Variants in DHRSX observed in about 807,000 individuals in gnomAD.
DHRSX encodes the protein polyprenol dehydrogenase.
Under a neutral mutation model 34.0 loss-of-function variants are expected in DHRSX, and 31 were observed. The observed-to-expected ratio is 0.91, with a 90% CI of 0.69 to 1.23. The LOEUF (loss-of-function observed/expected upper bound fraction) is 1.23. DHRSX is among the 50% of genes most tolerant of loss of function. DHRSX has a pLI of 0.00. For missense variants in DHRSX, 414 were observed against 428.1 expected (o/e 0.97, Z 0.29); for synonymous variants, 201 against 183.8 (o/e 1.09, Z -0.76).
intron 1 of DHRSX, among the ~76,000 whole-genome samples, chrX:2,484,644 G>A (rs1264209098): frequency 1.3e-5 from 2 of 152,068 alleles, no homozygotes; most frequent in African/African-American, 4.8e-5. Flanking sequence ...CACCAGGCAG[G>A]GGCATGGCGA....
intron 5 of DHRSX, among the ~76,000 whole-genome samples, chrX:2,266,217 C>G (rs1476119717): frequency 7.1e-6 from 1 of 141,470 alleles, no homozygotes; most frequent in African/African-American, 2.9e-5. Context: ...ACGCAGGGAG[C>G]ACTGTCCCCA....
intron 1 of DHRSX, among the ~76,000 whole-genome samples, chrX:2,460,802 C>G (rs1439828173): frequency 5.3e-5 from 8 of 152,080 alleles, no homozygotes; most frequent in Admixed American, 5.2e-4. Context: ...AGGCTGGTCT[C>G]AAACCCCTGA....
chrX:2,247,208 CAA>C (rs2016318573), intron 5 of DHRSX, among the ~76,000 whole-genome samples: 1 of 152,120 alleles, frequency 6.6e-6, no homozygotes, highest in African/African-American at 2.4e-5. Context: ...CTTGGCCTTC[CAA>C]AGTGCTGGGA....
chrX:2,293,562 T>C (rs1399260101), intron 3 of DHRSX, among the ~76,000 whole-genome samples: 2 of 151,832 alleles, frequency 1.3e-5, no homozygotes, highest in Non-Finnish European at 2.9e-5. Context: ...GGATGGGGAA[T>C]GGTGTGAGGT....
At chrX:2,359,190 G>C (rs1302202667) in intron 3 of DHRSX, among the ~76,000 whole-genome samples, 1 of 152,140 alleles carries the variant, frequency 6.6e-6, no homozygotes, top group Non-Finnish European at 1.5e-5. Context: ...AAGACAGTGT[G>C]GCCATTCCTC....
intron 5 of DHRSX, among the ~76,000 whole-genome samples, chrX:2,246,283 T>C (rs1212846508): frequency 1.3e-5 from 2 of 152,118 alleles, no homozygotes; most frequent in Non-Finnish European, 2.9e-5. Context: ...AAAAAGCTTC[T>C]GAAAATCCAA....
intron 3 of DHRSX, among the ~76,000 whole-genome samples, chrX:2,363,532 TATG>T (rs1336968384): frequency 6.7e-6 from 1 of 149,066 alleles, no homozygotes; most frequent in Non-Finnish European, 1.5e-5. Flanking sequence ...ATCACCGTTC[TATG>T]ATATCATGCC....
At chrX:2,236,186 C>T (rs965387103) in intron 6 of DHRSX, among the ~76,000 whole-genome samples, 84 of 152,170 alleles carry the variant, frequency 5.5e-4, no homozygotes, top group African/African-American at 2.0e-3. Flanking sequence ...ATAAGTGAAT[C>T]GATAAATACA....
chrX:2,445,682 A>T (rs1338789893), intron 1 of DHRSX, among the ~76,000 whole-genome samples: 2 of 152,040 alleles, frequency 1.3e-5, no homozygotes, highest in Non-Finnish European at 2.9e-5. Context: ...GTTCCCTAAC[A>T]ATGTGGCCAA....
intron 3 of DHRSX, among the ~76,000 whole-genome samples, chrX:2,335,440 A>AT (rs1205066946): frequency 7.4e-6 from 1 of 135,890 alleles, no homozygotes; most frequent in Non-Finnish European, 1.5e-5. Flanking sequence ...TGCATTCATT[A>AT]TTTTTTTGGG....
chrX:2,453,863 A>C (rs2044260217), intron 1 of DHRSX, among the ~76,000 whole-genome samples: 1 of 152,132 alleles, frequency 6.6e-6, no homozygotes, highest in Non-Finnish European at 1.5e-5. Context: ...GATTATGTGA[A>C]TATGTTAATT....
At chrX:2,399,846 G>A (rs1428158209) in intron 3 of DHRSX, among the ~76,000 whole-genome samples, 1 of 151,254 alleles carries the variant, frequency 6.6e-6, no homozygotes, top group African/African-American at 2.4e-5. Context: ...CAGCCTGGGC[G>A]ACATAATGAG....
rs145674561 is a variant in DHRSX, at chrX:2,484,510, C to T, written c.109+16307G>A. Reference sequence around the variant, plus strand: ...TTCCCAGAAGTTGCTCAGAAAGGAACTCATGCAGTTTGAGAAAATCTGGAA... The same window carrying T: ...TTCCCAGAAGTTGCTCAGAAAGGAATTCATGCAGTTTGAGAAAATCTGGAA... On this transcript the variant is annotated intron_variant, in intron 1 of 6. Transcript: ENST00000334651. Among the ~76,000 whole-genome samples the T allele has an allele frequency of 5.7e-3, 871 of 152,292 alleles. 2 individuals carry two copies. Among genetic ancestry groups the T allele is most frequent in the Middle Eastern group, 0.01 (3 of 294 alleles).
At chrX:2,236,883 TAAA>T (rs553057998) in intron 6 of DHRSX, among the ~76,000 whole-genome samples, 1 of 136,154 alleles carries the variant, frequency 7.3e-6, no homozygotes, top group Non-Finnish European at 1.6e-5. Context: ...TGTTTATTAA[TAAA>T]AAAAAAAAAA....
chrX:2,334,869 A>C (rs2042533019), intron 3 of DHRSX: 1 of 152,068 alleles, frequency 6.6e-6, no homozygotes, highest in Admixed American at 6.6e-5. Context: ...TGAATATCTG[A>C]GATGGTGTCA....
At chrX:2,464,462 CGCACTGA>C (rs2044455296) in intron 1 of DHRSX, among the ~76,000 whole-genome samples, 1 of 87,712 alleles carries the variant, frequency 1.1e-5, no homozygotes, top group African/African-American at 5.2e-5. Flanking sequence ...CCGCCATGTT[CGCACTGA>C]AGACGCTCCC....
chrX:2,328,620 G>A (rs1328997364), intron 3 of DHRSX, among the ~76,000 whole-genome samples: 1 of 152,034 alleles, frequency 6.6e-6, no homozygotes, highest in Non-Finnish European at 1.5e-5. Context: ...GGGAGAAGAC[G>A]GTGTCTACAA....
At chrX:2,242,547 A>G (rs2016165544) in intron 6 of DHRSX, among the ~76,000 whole-genome samples, 1 of 152,124 alleles carries the variant, frequency 6.6e-6, no homozygotes, top group Admixed American at 6.6e-5. Context: ...GGATGAGATA[A>G]GAGGTTGCTA....
chrX:2,408,179 G>A (rs190797493), intron 3 of DHRSX, among the ~76,000 whole-genome samples: 4 of 151,196 alleles, frequency 2.6e-5, no homozygotes, highest in African/African-American at 9.7e-5. Context: ...AGATTCAAGC[G>A]ATTCTCCTGC....
Sources: gnomAD v4.1 joint callset for allele counts (sites outside exome capture counted in the v4.1 genomes callset) on GRCh38, gnomAD v4.1.1 for gene constraint, MANE v1.5 for transcripts, NCBI Gene and HGNC (gene_info 2026-07-23, HGNC 2026-07-21) for gene names.